DHX9: variants seen among roughly 807,000 people sequenced by gnomAD.
DHX9 encodes the protein ATP-dependent RNA helicase A.
Under a neutral mutation model 148.7 loss-of-function variants are expected in DHX9, and 27 were observed. The ratio of observed to expected loss-of-function variants is 0.18; its 90% CI spans 0.13 to 0.25. The LOEUF (loss-of-function observed/expected upper bound fraction) is 0.25, where lower values mean the gene tolerates loss of function less well. DHX9 is among the 10% of genes least tolerant of loss of function. The pLI, the probability that DHX9 is intolerant of heterozygous loss-of-function variation, is 1.00. For missense variants in DHX9, 796 were observed against 1,559.6 expected, an observed-to-expected ratio of 0.51 and a Z score of 8.25; for synonymous variants, 529 against 516.6, an observed-to-expected ratio of 1.02 and a Z score of -0.33.
chr1:182,849,908 C>T (rs73063083), intron 3 of DHX9, among the ~76,000 whole-genome samples: 2,123 of 151,194 alleles, frequency 0.014, 54 homozygotes, highest in African/African-American at 0.049. Context: ...CTCAGTTTGC[C>T]CATTATAACT....
intron 15 of DHX9, among the ~76,000 whole-genome samples, chr1:182,874,415 A>G (rs1165128117): frequency 6.6e-6 from 1 of 152,216 alleles, no homozygotes; most frequent in Admixed American, 6.5e-5. Context: ...AATCTTGGGC[A>G]TAATTGATCA....
chr1:182,877,749 CA>C (rs929133428), intron 19 of DHX9: 3 of 331,390 alleles, frequency 9.1e-6, no homozygotes, highest in African/African-American at 2.1e-5. Flanking sequence ...TAATGTTTAC[CA>C]AAAAAACTAT....
At chr1:182,870,711 A>G (rs1280723223) in intron 14 of DHX9, among the ~76,000 whole-genome samples, 2 of 152,246 alleles carry the variant, frequency 1.3e-5, no homozygotes, top group Non-Finnish European at 2.9e-5. Flanking sequence ...TGAAGTAGAA[A>G]ATATAAAAAT....
Position 182,866,597 on chromosome 1 carries a change from A to G in DHX9, c.1474+12A>G, listed in dbSNP as rs1648306453. ...GTTTTGTACTGTAGGTCAGTAATGT[A>G]TTTTGATTTTTCATTTGGGGTTTAT... On this transcript the variant is annotated intron_variant, in intron 13 of 27. Coordinates refer to ENST00000367549, the MANE Select transcript of DHX9 (RefSeq NM_001357.5). 6.2e-7 allele frequency: 1 copy of G among 1,603,700 alleles called. No homozygotes were observed. The highest frequency in any genetic ancestry group is 8.5e-7 in the Non-Finnish European group (1 of 1,173,294).
chr1:182,883,227 C>T lies in DHX9; in HGVS notation c.3003C>T (p.Pro1001=), dbSNP rs1462955792. The T allele has an allele frequency of 6.2e-7, 1 of 1,614,084 alleles. No individual in the cohort carries two copies. ...CCCTCCTGGCCTTTGGTGTGTACCC[C>T]AATGTATGCTATCATAAGGAAAAGA... The part of the protein sequence containing the change: ...VISLLAFGVY[P]NVCYHKEKRK... The change falls in exon 25 of 28, where the codon CCC becomes CCT. Residue 1001 remains proline, a synonymous_variant. Transcript: ENST00000367549.
Position 182,878,003 on chromosome 1 carries a change from C to T in DHX9, c.2199-18C>T, listed in dbSNP as rs926041552. 1 of 1,613,530 alleles carries T rather than the reference C, an allele frequency of 6.2e-7. No homozygotes were observed. Among genetic ancestry groups the T allele is most frequent in the Non-Finnish European group, 8.5e-7 (1 of 1,179,698 alleles). On this transcript the variant is annotated intron_variant, in intron 19 of 27. Coordinates refer to ENST00000367549, the MANE Select transcript of DHX9 (RefSeq NM_001357.5). ...TAATACACATGAGTCTTAGAATTAA[C>T]CACTTTTTCCTATGTAGGCAGAAAG... is the stretch of plus-strand genomic sequence containing the variant.
chr1:182,847,288 T>C (rs1228672661), intron 3 of DHX9, among the ~76,000 whole-genome samples: 1 of 152,252 alleles, frequency 6.6e-6, no homozygotes, highest in African/African-American at 2.4e-5. Context: ...AATTTTTTAT[T>C]GCATTCTGGG....
At position 182,872,433 on chromosome 1, in the gene DHX9, T is replaced by A; in HGVS notation, c.1654T>A (p.Cys552Ser). The A allele has an allele frequency of 6.2e-7, 1 of 1,614,122 alleles. No homozygotes were observed. The highest frequency in any genetic ancestry group is 8.5e-7 in the Non-Finnish European group (1 of 1,179,998). ...MSATIDTSMF[C>S]EYFFNCPIIE... ...TGCTACTATTGATACCAGCATGTTT[T>A]GTGAATATTTCTTCAATTGCCCCAT... Residue 552 changes from cysteine to serine, a missense_variant, in exon 15 of 28, where the codon TGT (cysteine) becomes AGT (serine). Around this residue, in one of 14 missense-constraint regions of DHX9, gnomAD observed 133 missense variants for 223.8 expected, o/e 0.59. Coordinates refer to ENST00000367549, the MANE Select transcript of DHX9 (RefSeq NM_001357.5).
At position 182,852,249 on chromosome 1, in the gene DHX9, C is replaced by G. The variant is rs773224387; in HGVS notation, c.269C>G (p.Pro90Arg). Reference protein sequence around the residue: ...VPAFGVASPPPLTDTPDTTAN... With the variant: ...VPAFGVASPPRLTDTPDTTAN... ...CTTTTGCAGGTAGCATCTCCGCCCC[C>G]ACTTACTGATACTCCTGACACTACA... Residue 90 changes from proline to arginine, a missense_variant, in exon 4 of 28, where the codon CCA (proline) becomes CGA (arginine). By Grantham distance (103) the Pro-to-Arg change is moderately radical. Coordinates refer to ENST00000367549, the MANE Select transcript of DHX9 (RefSeq NM_001357.5). The G allele has an allele frequency of 2.5e-6, 4 of 1,609,958 alleles. No individual in the cohort carries two copies. Among genetic ancestry groups the G allele is most frequent in the African/African-American group, 2.7e-5 (2 of 74,718 alleles).
intron 3 of DHX9, among the ~76,000 whole-genome samples, chr1:182,848,697 T>G (rs553979087): frequency 3.9e-5 from 6 of 152,348 alleles, no homozygotes; most frequent in Admixed American, 3.3e-4. Context: ...TACCTGAGAC[T>G]GCATAATTTA....
intron 13 of DHX9, 138 bp from the exon 14 acceptor site, chr1:182,866,823 C>A: frequency 2.6e-6 from 2 of 777,736 alleles, no homozygotes; most frequent in Non-Finnish European, 4.1e-6. Flanking sequence ...AGTACACTAT[C>A]ACTTTTTAAT....
chr1:182,860,735 G>A (rs1412996933), intron 12 of DHX9, among the ~76,000 whole-genome samples: 1 of 152,186 alleles, frequency 6.6e-6, no homozygotes, highest in Non-Finnish European at 1.5e-5. Flanking sequence ...CAAGCAATCC[G>A]CCTTTTAGGA....
chr1:182,879,019 T>C (rs1487046575), intron 20 of DHX9, among the ~76,000 whole-genome samples: 3 of 152,242 alleles, frequency 2.0e-5, no homozygotes, highest in African/African-American at 7.2e-5. Flanking sequence ...TCATTTTTCT[T>C]CTCAGCCTAA....
chr1:182,849,663 G>A (rs1668096068), intron 3 of DHX9, among the ~76,000 whole-genome samples: 1 of 152,190 alleles, frequency 6.6e-6, no homozygotes, highest in African/African-American at 2.4e-5. Context: ...ACATTGGTCT[G>A]TAACCTCACC....
intron 14 of DHX9, among the ~76,000 whole-genome samples, chr1:182,871,114 CCTTA>C (rs1364192271): frequency 5.9e-5 from 9 of 152,042 alleles, no homozygotes; most frequent in African/African-American, 1.9e-4. Context: ...AAGGTTATTT[CCTTA>C]CTTTAAGGAA....
chr1:182,855,917 T>C (rs1668242555), intron 6 of DHX9, among the ~76,000 whole-genome samples: 1 of 152,214 alleles, frequency 6.6e-6, no homozygotes. Flanking sequence ...TTAGATATAA[T>C]GTTACAACAT....
chr1:182,845,539 G>A (rs1358194878), intron 3 of DHX9, among the ~76,000 whole-genome samples: 1 of 152,030 alleles, frequency 6.6e-6, no homozygotes, highest in African/African-American at 2.4e-5. Context: ...CACACCCCAA[G>A]CAAGCAATCA....
intron 12 of DHX9, chr1:182,860,406 C>A: frequency 3.3e-6 from 1 of 306,046 alleles, no homozygotes; most frequent in East Asian, 5.7e-5. Context: ...TTTATCTGGG[C>A]TAAAGAGTCT....
At position 182,858,086 on chromosome 1, in the gene DHX9, C is replaced by A; in HGVS notation, c.674-18C>A. ...AGATGATTTCTTTCTGTCTGATAAT[C>A]CTGACCTTACATTATAGGGATTTTT... On this transcript the variant is annotated intron_variant, in intron 7 of 27. Transcript: ENST00000367549. The A allele has an allele frequency of 1.2e-6, 2 of 1,606,808 alleles. No homozygotes were observed. Among genetic ancestry groups the A allele is most frequent in the East Asian group, 4.5e-5 (2 of 44,810 alleles).
Sources: allele counts gnomAD v4.1 joint callset (sites outside exome capture counted in the v4.1 genomes callset), GRCh38; gene constraint gnomAD v4.1.1; regional missense constraint gnomAD v4.1.1; transcripts MANE v1.5; gene names NCBI Gene and HGNC (gene_info 2026-07-23, HGNC 2026-07-21).